TMCC1: variants seen among roughly 807,000 people sequenced by gnomAD.
TMCC1 encodes the protein transmembrane and coiled-coil domains protein 1.
A neutral mutation model predicts 52.4 loss-of-function variants in TMCC1; 15 were observed. The observed-to-expected ratio is 0.29, with a 90% CI of 0.19 to 0.44. The LOEUF is 0.44. Ranked by LOEUF, TMCC1 falls within the 20% of genes least tolerant of loss-of-function variation. The pLI is 1.00. For missense variants in TMCC1, 503 were observed against 806.0 expected (o/e 0.62, Z 4.55); for synonymous variants, 279 against 301.9 (o/e 0.92, Z 0.79).
chr3:129,672,547 C>T (rs2088043872), intron 4 of TMCC1, among the ~76,000 whole-genome samples: 1 of 152,082 alleles, frequency 6.6e-6, no homozygotes, highest in Non-Finnish European at 1.5e-5. Flanking sequence ...CTGCAGTGAG[C>T]TATGACTGCA....
At chr3:129,772,722 CAA>C (rs34785535) in intron 4 of TMCC1, among the ~76,000 whole-genome samples, 2,239 of 76,164 alleles carry the variant, frequency 0.029, 28 homozygotes, top group African/African-American at 0.091. Context: ...GACTCCGCCT[CAA>C]AAAAAAAAAA....
intron 4 of TMCC1, among the ~76,000 whole-genome samples, chr3:129,709,835 CGAT>C (rs1406104155): frequency 6.6e-6 from 1 of 151,942 alleles, no homozygotes; most frequent in Non-Finnish European, 1.5e-5. Context: ...GAATTGAGGA[CGAT>C]GTCTATCTAG....
intron 1 of TMCC1, among the ~76,000 whole-genome samples, chr3:129,887,542 CAA>C (rs368045992): frequency 2.6e-4 from 24 of 91,322 alleles, no homozygotes; most frequent in Non-Finnish European, 2.2e-4. Flanking sequence ...CTCCGTCTCT[CAA>C]AAAAAAAAAA....
intron 4 of TMCC1, among the ~76,000 whole-genome samples, chr3:129,766,326 T>TTTCATTCATTCATTCATTCA (rs201966874): frequency 4.6e-5 from 7 of 152,114 alleles, no homozygotes; most frequent in African/African-American, 1.7e-4. Context: ...TTTCTGAGCA[T>TTTCATTCATTCATTCATTCA]TTCATTCATT....
intron 4 of TMCC1, among the ~76,000 whole-genome samples, chr3:129,757,133 C>G (rs1052547589): frequency 6.6e-6 from 1 of 152,136 alleles, no homozygotes; most frequent in Non-Finnish European, 1.5e-5. Context: ...ACAGTCAACA[C>G]CAGAGTCATA....
At chr3:129,773,150 G>A (rs573205454) in intron 4 of TMCC1, among the ~76,000 whole-genome samples, 2 of 152,286 alleles carry the variant, frequency 1.3e-5, no homozygotes, top group South Asian at 2.1e-4. Flanking sequence ...ATAAACTATC[G>A]TCTAATCCCA....
chr3:129,835,999 TCA>T (rs537742628), intron 2 of TMCC1, among the ~76,000 whole-genome samples: 5 of 151,962 alleles, frequency 3.3e-5, no homozygotes, highest in Non-Finnish European at 5.9e-5. Context: ...TAATCAAGAA[TCA>T]CACTTAAAAT....
intron 4 of TMCC1, among the ~76,000 whole-genome samples, chr3:129,701,669 C>A (rs886471592): frequency 2.6e-5 from 4 of 152,162 alleles, no homozygotes; most frequent in Admixed American, 6.5e-5. Context: ...AGAATACAGG[C>A]ACTGACCTTC....
chr3:129,654,893 T>C, intron 6 of TMCC1, 75 bp downstream of exon 6: 3 of 1,560,202 alleles, frequency 1.9e-6, no homozygotes, highest in Non-Finnish European at 2.6e-6. Flanking sequence ...TCTCATCTTT[T>C]TTCCTTCCGC....
intron 4 of TMCC1, among the ~76,000 whole-genome samples, chr3:129,704,695 G>C (rs553887528): frequency 8.5e-5 from 13 of 152,292 alleles, no homozygotes; most frequent in African/African-American, 2.9e-4. Flanking sequence ...CTGGATTACA[G>C]GTGTGAGCCA....
At chr3:129,734,512 C>T (rs547730624) in intron 4 of TMCC1, among the ~76,000 whole-genome samples, 154 of 152,080 alleles carry the variant, frequency 1.0e-3, no homozygotes, top group African/African-American at 3.4e-3. Context: ...ATGGAGAAAC[C>T]CCGTCACTAC....
chr3:129,689,956 C>T (rs1005176775), intron 4 of TMCC1, among the ~76,000 whole-genome samples: 4 of 152,204 alleles, frequency 2.6e-5, no homozygotes, highest in Non-Finnish European at 5.9e-5. Context: ...GTACCACTAG[C>T]ATCAACACTA....
chr3:129,775,828 T>C (rs1366546484), intron 4 of TMCC1, among the ~76,000 whole-genome samples: 2 of 152,234 alleles, frequency 1.3e-5, no homozygotes, highest in Non-Finnish European at 2.9e-5. Flanking sequence ...TGCTCCATAC[T>C]GTAGCCAGAC....
intron 4 of TMCC1, among the ~76,000 whole-genome samples, chr3:129,771,588 A>G (rs561902089): frequency 3.9e-5 from 6 of 151,994 alleles, no homozygotes; most frequent in Admixed American, 3.9e-4. Flanking sequence ...CAGCCTGGAC[A>G]ACATGGTGAG....
intron 4 of TMCC1, among the ~76,000 whole-genome samples, chr3:129,796,719 G>C (rs2056852252): frequency 1.3e-5 from 2 of 152,156 alleles, no homozygotes; most frequent in Admixed American, 6.5e-5. Context: ...TACTACTCAG[G>C]AGTCCTAACT....
chr3:129,662,444 G>A (rs146373543), intron 5 of TMCC1, among the ~76,000 whole-genome samples: 35 of 152,180 alleles, frequency 2.3e-4, no homozygotes, highest in South Asian at 6.2e-4. Context: ...TAGTGTTTGT[G>A]TATCTAGACA....
intron 4 of TMCC1, among the ~76,000 whole-genome samples, chr3:129,826,479 G>A (rs1485512536): frequency 6.6e-6 from 1 of 151,978 alleles, no homozygotes; most frequent in Non-Finnish European, 1.5e-5. Context: ...CTGCACCCCA[G>A]CCTAGGTGAC....
chr3:129,801,714 C>A (rs759175880), intron 4 of TMCC1, among the ~76,000 whole-genome samples: 56 of 152,160 alleles, frequency 3.7e-4, no homozygotes, highest in Non-Finnish European at 6.8e-4. Context: ...GGATTTCAGG[C>A]GTGAACCACC....
intron 4 of TMCC1, among the ~76,000 whole-genome samples, chr3:129,750,965 C>T (rs1301364270): frequency 4.6e-5 from 7 of 151,278 alleles, no homozygotes; most frequent in Middle Eastern, 3.5e-3. Flanking sequence ...TTTGGGAGGC[C>T]GAGGCAGGCA....
Sources: allele counts gnomAD v4.1 joint callset (sites outside exome capture counted in the v4.1 genomes callset), GRCh38; gene constraint gnomAD v4.1.1; transcripts MANE v1.5; gene names NCBI Gene and HGNC (gene_info 2026-07-23, HGNC 2026-07-21).